The following CKAP5 variants were observed in gnomAD, a reference collection of about 807,000 sequenced individuals.
The protein encoded by CKAP5 is cytoskeleton associated protein 5.
A neutral mutation model predicts 232.8 loss-of-function variants in CKAP5; 27 were observed. The observed-to-expected ratio is 0.12, with a 90% CI of 0.09 to 0.16. CKAP5 has a LOEUF of 0.16. Ranked by LOEUF, CKAP5 falls within the 10% of genes least tolerant of loss-of-function variation. The pLI is 1.00. For missense variants in CKAP5, 1,838 were observed against 2,424.7 expected (o/e 0.76, Z 5.08); for synonymous variants, 785 against 841.1 (o/e 0.93, Z 1.16).
At position 46,809,463 on chromosome 11, in the gene CKAP5, A is replaced by G. The variant is rs1313740170; in HGVS notation, c.801T>C (p.Ala267=). Residue 267 remains alanine (A), a synonymous_variant, in exon 7 of 44, where the codon GCT becomes GCC. Coordinates refer to ENST00000529230, the MANE Select transcript of CKAP5 (RefSeq NM_001008938.4). ...DDGDEVPQID[A]YELLEAVEIL... Reference sequence around the variant, plus strand: ...TTTCTACAGCTTCTAAAAGCTCATAAGCATCTATTTGTGGCACCTCATCAC... The same window carrying G: ...TTTCTACAGCTTCTAAAAGCTCATAGGCATCTATTTGTGGCACCTCATCAC... The G allele has an allele frequency of 3.1e-6, 5 of 1,613,610 alleles. No individual in the cohort carries two copies. The East Asian group carries it at 6.7e-5, about 22-fold the overall frequency.
intron 11 of CKAP5, among the ~76,000 whole-genome samples, chr11:46,797,558 C>G (rs1301620119): frequency 6.6e-6 from 1 of 152,094 alleles, no homozygotes; most frequent in Non-Finnish European, 1.5e-5. Flanking sequence ...AGCTGAACAC[C>G]AGTATATGGG....
intron 1 of CKAP5, among the ~76,000 whole-genome samples, chr11:46,831,071 G>GA (rs1413260392): frequency 4.6e-5 from 7 of 151,900 alleles, no homozygotes; most frequent in Non-Finnish European, 1.0e-4. Context: ...TCTCAAAAAA[G>GA]AAAAAAATTG....
chr11:46,764,284 G>A (rs1464191333), intron 28 of CKAP5, among the ~76,000 whole-genome samples: 1 of 152,102 alleles, frequency 6.6e-6, no homozygotes, highest in Non-Finnish European at 1.5e-5. Flanking sequence ...GTTTAATATA[G>A]ATACACTCAC....
chr11:46,750,171 G>T, intron 42 of CKAP5, 103 bp downstream of exon 42: 1 of 1,140,908 alleles, frequency 8.8e-7, no homozygotes, highest in Non-Finnish European at 1.3e-6. Context: ...TGACCATTAA[G>T]TATTGAGGTT....
At chr11:46,797,701 T>A in intron 11 of CKAP5, 104 bp downstream of exon 11, 1 of 1,152,056 alleles carries the variant, frequency 8.7e-7, no homozygotes, top group Non-Finnish European at 1.2e-6. Context: ...CAAAAGATCA[T>A]AACCTCTATA....
rs145487772 is a variant in CKAP5, at chr11:46,762,137, G to A, written c.4084C>T (p.Pro1362Ser). Residue 1362 changes from proline (P) to serine (S), a missense_variant, in exon 32 of 44, where the codon CCA becomes TCA. By Grantham distance (74) the Pro-to-Ser change is moderately conservative. This residue lies in a region of CKAP5 where 579 missense variants were observed against 843.2 expected (regional missense o/e 0.69). Coordinates refer to ENST00000529230, the MANE Select transcript of CKAP5 (RefSeq NM_001008938.4). The stretch of plus-strand genomic sequence containing the variant: ...TCCTTTAAGGCTTTTCCTGGGGTTG[G>A]TTGGCAAACATTCATGCCATAGGAC... ...VESYGMNVCQ[P>S]TPGKALKEIA... 963 of 1,613,984 alleles carry A rather than the reference G, an allele frequency of 6.0e-4. No homozygotes were observed. The highest frequency in any genetic ancestry group is 7.9e-4 in the Non-Finnish European group (934 of 1,180,014).
rs1445191406 is a variant in CKAP5 at position 46,754,889 on chromosome 11, G to A, written c.4868C>T (p.Ser1623Leu). ...LYSCIIGNMI[S>L]LFQIESLARE... ...GAAATTCTGCAGAGGTGCCCTTACCGAAATCATGTTGCCAATGATACAGCT... is the reference window on the plus strand; with the variant it reads ...GAAATTCTGCAGAGGTGCCCTTACCAAAATCATGTTGCCAATGATACAGCT... The change falls in exon 36 of 44, where the codon TCG becomes TTG. Residue 1623 changes from serine (S) to leucine (L), a missense_variant and splice_region_variant. This residue lies in a region of CKAP5 where 579 missense variants were observed against 843.2 expected (regional missense o/e 0.69). Coordinates refer to ENST00000529230, the MANE Select transcript of CKAP5 (RefSeq NM_001008938.4). 3 of 1,611,302 alleles carry A rather than the reference G, an allele frequency of 1.9e-6. No homozygotes were observed. Among genetic ancestry groups the A allele is most frequent in the South Asian group, 2.2e-5 (2 of 90,374 alleles).
Position 46,818,506 on chromosome 11 carries a change from A to G in CKAP5, c.58-3T>C. ...CCACTTAACCTTGCTTTCCACAGCT[A>G]AAAGAAAAGTAGTATTTTGAAACAA... is the stretch of plus-strand genomic sequence containing the variant. On this transcript the variant is annotated splice_polypyrimidine_tract_variant and splice_region_variant and intron_variant, in intron 2 of 43. Transcript: ENST00000529230. The G allele has an allele frequency of 6.5e-7, 1 of 1,546,772 alleles. No homozygotes were observed. Among genetic ancestry groups the G allele is most frequent in the Non-Finnish European group, 8.7e-7 (1 of 1,152,452 alleles).
chr11:46,786,182 T>TA (rs909802409), intron 16 of CKAP5, among the ~76,000 whole-genome samples: 3 of 152,156 alleles, frequency 2.0e-5, no homozygotes, highest in African/African-American at 7.2e-5. Flanking sequence ...ATAAGGCTTG[T>TA]AACATACAAG....
intron 20 of CKAP5, among the ~76,000 whole-genome samples, chr11:46,779,582 T>G (rs1267128066): frequency 6.6e-6 from 1 of 152,206 alleles, no homozygotes. Flanking sequence ...ATCCCACTAC[T>G]GATCTGCACT....
chr11:46,801,658 A>C (rs1939033511), intron 8 of CKAP5, among the ~76,000 whole-genome samples: 1 of 152,096 alleles, frequency 6.6e-6, no homozygotes, highest in Non-Finnish European at 1.5e-5. Context: ...CAACGCAGCA[A>C]GACTCCATCT....
chr11:46,759,192 A>G (rs1324529838), intron 34 of CKAP5, 77 bp downstream of exon 34: 1 of 1,525,892 alleles, frequency 6.6e-7, no homozygotes, highest in Non-Finnish European at 8.9e-7. Flanking sequence ...TTAACTGCAC[A>G]TTACAAAGGG....
In CKAP5 at chr11:46,744,540, C is replaced by G. The variant is rs967956333; in HGVS notation, c.5742G>C (p.Thr1914=). The G allele has an allele frequency of 6.2e-7, 1 of 1,613,974 alleles. No individual in the cohort carries two copies. The change falls in exon 43 of 44, where the codon ACG becomes ACC. Residue 1914 remains threonine, a synonymous_variant. Coordinates refer to ENST00000529230, the MANE Select transcript of CKAP5 (RefSeq NM_001008938.4). ...SPQMEVTCVP[T]PTSTVSSIGN... The stretch of plus-strand genomic sequence containing the variant: ...CTATGGAGGACACTGTGCTTGTGGG[C>G]GTGGGCACACATGTGACTTCCATCT...
chr11:46,745,435 AT>A (rs566396468), intron 42 of CKAP5, among the ~76,000 whole-genome samples: 71 of 152,340 alleles, frequency 4.7e-4, no homozygotes, highest in African/African-American at 1.7e-3. Flanking sequence ...AAGGCACAAA[AT>A]CAATTTAATA....
At chr11:46,796,675 A>T in intron 12 of CKAP5, 137 bp downstream of exon 12, 2 of 904,616 alleles carry the variant, frequency 2.2e-6, no homozygotes, top group Non-Finnish European at 3.3e-6. Flanking sequence ...TTTCTTTCCT[A>T]CTATAAATGG....
chr11:46,770,711 G>A lies in CKAP5; in HGVS notation c.3186+77C>T, dbSNP rs1041966613. 7 of 1,367,874 alleles carry A rather than the reference G, an allele frequency of 5.1e-6. No individual in the cohort carries two copies. In the East Asian group the frequency reaches 1.2e-4, roughly 23 times the overall value. 84.7% of individuals were successfully genotyped at this position (1,367,874 alleles called of 1,614,324 possible). The stretch of plus-strand genomic sequence containing the variant: ...CCCAAAGTGTTGGGATTACAGGCGT[G>A]AGCCACCGTGCCAGGCCCATGTTAA... On this transcript the variant is annotated intron_variant, in intron 25 of 43. Transcript: ENST00000529230.
Position 46,762,970 on chromosome 11 carries a change from C to T in CKAP5, c.3891+6G>A, listed in dbSNP as rs750912269. The T allele has an allele frequency of 1.9e-6, 3 of 1,611,176 alleles. No individual in the cohort carries two copies. The highest frequency in any genetic ancestry group is 2.5e-6 in the Non-Finnish European group (3 of 1,177,722). Reference sequence around the variant, plus strand: ...GCAGTCTCCCAGAGAGAGAACACCACATTACCTTGACGACAAGATAGGGGA... The same window carrying T: ...GCAGTCTCCCAGAGAGAGAACACCATATTACCTTGACGACAAGATAGGGGA... On this transcript the variant is annotated splice_donor_region_variant and intron_variant, in intron 30 of 43. Transcript: ENST00000529230.
chr11:46,839,893 A>G (rs181852465), intron 1 of CKAP5, among the ~76,000 whole-genome samples: 4 of 152,106 alleles, frequency 2.6e-5, no homozygotes, highest in Admixed American at 6.6e-5. Context: ...AACCCCAGCA[A>G]TTTGGGAGGG....
intron 22 of CKAP5, 58 bp downstream of exon 22, chr11:46,778,081 G>A: frequency 7.0e-7 from 1 of 1,429,510 alleles, no homozygotes; most frequent in Non-Finnish European, 9.5e-7. Context: ...CACTGAAAAG[G>A]TAACTCCTGC....
Sources: gnomAD v4.1 joint callset for allele counts (sites outside exome capture counted in the v4.1 genomes callset) on GRCh38, gnomAD v4.1.1 for gene constraint, gnomAD v4.1.1 regional missense constraint, MANE v1.5 for transcripts, NCBI Gene and HGNC (gene_info 2026-07-23, HGNC 2026-07-21) for gene names.